PCDH10: variants seen among roughly 807,000 people sequenced by gnomAD.
The protein encoded by PCDH10 is protocadherin 10.
A neutral mutation model predicts 74.4 loss-of-function variants in PCDH10; 15 were observed. The ratio of observed to expected loss-of-function variants is 0.20; its 90% CI spans 0.13 to 0.31. The LOEUF is 0.31. Ranked by LOEUF, PCDH10 falls within the 10% of genes least tolerant of loss-of-function variation. The pLI is 1.00. For missense variants in PCDH10, 1,260 were observed against 1,390.2 expected (o/e 0.91, Z 1.49); for synonymous variants, 619 against 589.8 (o/e 1.05, Z -0.72).
intron 4 of PCDH10, among the ~76,000 whole-genome samples, chr4:133,184,796 T>TTA (rs916362395): frequency 0.032 from 4,436 of 138,986 alleles, 210 homozygotes; most frequent in African/African-American, 0.098. Flanking sequence ...ATATATATAT[T>TTA]TATATATATA....
At position 133,194,575 on chromosome 4, in the gene PCDH10, A is replaced by G. The variant is rs1010324495; in HGVS notation, c.*4415A>G. On this transcript the variant is annotated 3_prime_UTR_variant, in exon 5 of 5. Coordinates refer to ENST00000264360, the MANE Select transcript of PCDH10 (RefSeq NM_032961.3). ...GTAATAAATTATTTTATACTGCTGT[A>G]TACATATGAAATAAATAAAACTAGG... The G allele has an allele frequency of 6.6e-6, 1 of 151,976 alleles. No individual in the cohort carries two copies. The highest frequency in any genetic ancestry group is 1.5e-5 in the Non-Finnish European group (1 of 67,870). 9.4% of individuals were successfully genotyped at this position (151,976 alleles called of 1,614,324 possible).
rs368206412 is a variant in PCDH10 at position 133,150,168 on chromosome 4, C to T, written c.28C>T (p.Leu10Phe). The change falls in exon 1 of 5, where the codon CTC (leucine) becomes TTC (phenylalanine). Residue 10 changes from leucine (L) to phenylalanine (F), a missense_variant. Physicochemically the swap from Leu to Phe is conservative, Grantham distance 22 (BLOSUM62 0). This residue lies in a region of PCDH10 where 103 missense variants were observed against 91.5 expected (regional missense o/e 1.13). Coordinates refer to ENST00000264360, the MANE Select transcript of PCDH10 (RefSeq NM_032961.3). ...GATTGTGCTATTATTGTTTGCCTTG[C>T]TCTGGATGGTGGAAGGAGTCTTTTC... is the stretch of plus-strand genomic sequence containing the variant. MIVLLLFAL[L>F]WMVEGVFSQL... is the part of the protein sequence containing the mutation. The T allele has an allele frequency of 7.6e-6, 12 of 1,583,588 alleles. No homozygotes were observed. In the African/African-American group the frequency reaches 1.6e-4, roughly 21 times the overall value.
chr4:133,201,670 AAC>A (rs1364556304), intron 2 of PCDH10, among the ~76,000 whole-genome samples: 1 of 151,990 alleles, frequency 6.6e-6, no homozygotes, highest in Non-Finnish European at 1.5e-5. Context: ...CCGCCTGACC[AAC>A]ACAGAGAAAC....
intron 2 of PCDH10, among the ~76,000 whole-genome samples, chr4:133,202,386 A>T (rs1390476155): frequency 1.3e-5 from 2 of 152,184 alleles, no homozygotes; most frequent in African/African-American, 2.4e-5. Context: ...TTGAGGGTAC[A>T]TGGAAGTTGC....
intron 2 of PCDH10, among the ~76,000 whole-genome samples, chr4:133,206,590 A>G (rs936228777): frequency 6.6e-6 from 1 of 152,196 alleles, no homozygotes; most frequent in African/African-American, 2.4e-5. Context: ...TGCAGTTACT[A>G]TGTCAATTAT....
At chr4:133,195,540 A>C (rs1553943160), downstream of PCDH10, among the ~76,000 whole-genome samples, 1 of 152,128 alleles carries the variant, frequency 6.6e-6, no homozygotes, top group Non-Finnish European at 1.5e-5. Flanking sequence ...TTTCAGTGGT[A>C]AAATTAAATT....
Position 133,175,591 on chromosome 4 carries a change from A to T in PCDH10, c.3103+12309A>T, listed in dbSNP as rs533842910. On this transcript the variant is annotated intron_variant, in intron 4 of 4. Transcript: ENST00000264360. Reference sequence around the variant, plus strand: ...AAATAAACTGAAATACTCTTAAGAGATCGCCATAGGAAAAATAAAAATACT... The same window carrying T: ...AAATAAACTGAAATACTCTTAAGAGTTCGCCATAGGAAAAATAAAAATACT... 2.0e-5 allele frequency among the ~76,000 whole-genome samples: 3 copies of T among 152,264 alleles called. No homozygotes were observed. The South Asian group carries it at 6.2e-4, about 32-fold the overall frequency.
In PCDH10 at chr4:133,190,709, G is replaced by T. The variant is rs1424523375; in HGVS notation, c.*549G>T. On this transcript the variant is annotated 3_prime_UTR_variant, in exon 5 of 5. Coordinates refer to ENST00000264360, the MANE Select transcript of PCDH10 (RefSeq NM_032961.3). ...CATTCTGTAGTTTATACACCGTGTT[G>T]CAAAGTGTTTACTGTACTATTTCAA... is the stretch of plus-strand genomic sequence containing the variant. 1 of 151,528 alleles carries T rather than the reference G, an allele frequency of 6.6e-6. No individual in the cohort carries two copies. Among genetic ancestry groups the T allele is most frequent in the African/African-American group, 2.4e-5 (1 of 41,264 alleles). The allele number at this position is 151,528 out of a possible 1,614,324, so 9.4% of individuals were successfully genotyped here.
intron 4 of PCDH10, among the ~76,000 whole-genome samples, chr4:133,186,877 C>A (rs1727550611): frequency 6.6e-6 from 1 of 151,998 alleles, no homozygotes; most frequent in African/African-American, 2.4e-5. Flanking sequence ...GCCACTAAAC[C>A]CTGCTAACTT....
chr4:133,190,390 G>GC lies in PCDH10; in HGVS notation c.*232dup. The GC allele has an allele frequency of 1.7e-6, 1 of 583,112 alleles. No homozygotes were observed. The highest frequency in any genetic ancestry group is 3.1e-6 in the Non-Finnish European group (1 of 320,404). 36.1% of individuals were successfully genotyped at this position (583,112 alleles called of 1,614,324 possible). A position where few individuals can be genotyped will look rare whatever the true frequency, so the allele number is the denominator to read the frequency against. ...AGAAACTTTAGAGGCAACAGATTTTGCCTCCCCGATCAGTGTGTGCCTGTT... is the reference window on the plus strand; with the variant it reads ...AGAAACTTTAGAGGCAACAGATTTTGCCCTCCCCGATCAGTGTGTGCCTGTT... On this transcript the variant is annotated 3_prime_UTR_variant, in exon 5 of 5. Coordinates refer to ENST00000264360, the MANE Select transcript of PCDH10 (RefSeq NM_032961.3).
chr4:133,152,355 C>A lies in PCDH10; in HGVS notation c.2215C>A (p.Arg739Ser). 6.2e-7 allele frequency: 1 copy of A among 1,614,184 alleles called. No individual in the cohort carries two copies. The highest frequency in any genetic ancestry group is 8.5e-7 in the Non-Finnish European group (1 of 1,180,034). The change falls in exon 1 of 5, where the codon CGT (arginine) becomes AGT (serine). Residue 739 changes from arginine to serine, a missense_variant. This residue lies in a region of PCDH10 where 587 missense variants were observed against 616.9 expected (regional missense o/e 0.95). Transcript: ENST00000264360. Reference protein sequence around the residue: ...FLLAMIVLAVRCQKEKKLNIY... With the variant: ...FLLAMIVLAVSCQKEKKLNIY... ...GCTGGCCATGATCGTGCTGGCCGTG[C>A]GTTGCCAAAAAGAGAAGAAGCTCAA...
At chr4:133,197,023 G>T (rs1727808677), downstream of PCDH10, among the ~76,000 whole-genome samples, 1 of 152,138 alleles carries the variant, frequency 6.6e-6, no homozygotes. Context: ...AAGTAGACTT[G>T]CCATTGGTAT....
At chr4:133,164,089 G>A (rs1294871606) in intron 4 of PCDH10, 1 of 449,796 alleles carries the variant, frequency 2.2e-6, no homozygotes, top group African/African-American at 2.0e-5. Flanking sequence ...ATTGTTTTCA[G>A]CTTTTCAAAT....
chr4:133,158,868 A>G (rs1726913164), intron 3 of PCDH10, among the ~76,000 whole-genome samples: 1 of 152,118 alleles, frequency 6.6e-6, no homozygotes, highest in Non-Finnish European at 1.5e-5. Context: ...GAGGCAATAT[A>G]GAAGATGAAA....
intron 4 of PCDH10, among the ~76,000 whole-genome samples, chr4:133,174,323 T>A (rs1210242805): frequency 6.6e-6 from 1 of 151,914 alleles, no homozygotes; most frequent in Non-Finnish European, 1.5e-5. Context: ...GAGATTAAAT[T>A]ATAATATATC....
At chr4:133,167,469 G>A (rs1332212945) in intron 4 of PCDH10, among the ~76,000 whole-genome samples, 6 of 151,334 alleles carry the variant, frequency 4.0e-5, no homozygotes, top group African/African-American at 1.2e-4. Context: ...GTTTTCTCTA[G>A]GATTTGTGTT....
intron 4 of PCDH10, among the ~76,000 whole-genome samples, chr4:133,176,879 C>T (rs1426858943): frequency 1.3e-5 from 2 of 151,884 alleles, no homozygotes; most frequent in East Asian, 1.9e-4. Context: ...ATGAAGAATA[C>T]TCATTTTTCA....
chr4:133,199,521 A>G (rs1004029482), downstream of PCDH10, among the ~76,000 whole-genome samples: 6 of 150,126 alleles, frequency 4.0e-5, no homozygotes, highest in East Asian at 9.8e-4. Context: ...CTTCCTCACT[A>G]CCATGTTGGT....
chr4:133,158,521 T>C (rs1485665330), intron 3 of PCDH10, among the ~76,000 whole-genome samples: 1 of 152,160 alleles, frequency 6.6e-6, no homozygotes, highest in Non-Finnish European at 1.5e-5. Flanking sequence ...CTTCCAAATA[T>C]GTTTAGTTTC....
Sources: gnomAD v4.1 joint callset for allele counts (sites outside exome capture counted in the v4.1 genomes callset) on GRCh38, gnomAD v4.1.1 for gene constraint, gnomAD v4.1.1 regional missense constraint, MANE v1.5 for transcripts, NCBI Gene and HGNC (gene_info 2026-07-23, HGNC 2026-07-21) for gene names.